TBC1D22A: variants seen among roughly 807,000 people sequenced by gnomAD.
TBC1D22A encodes the protein TBC1 domain family member 22A.
In TBC1D22A, 38 loss-of-function variants were observed where a neutral mutation model predicts 60.2. The observed-to-expected ratio is 0.63, with a 90% CI of 0.49 to 0.83. The LOEUF is 0.83. Among genes scored for constraint, TBC1D22A ranks in the 40% least tolerant of loss-of-function variants. The probability of loss-of-function intolerance (pLI) is 0.00; values close to 1 mark genes in which losing one functional copy is unlikely to be tolerated. For missense variants in TBC1D22A, 628 were observed against 701.0 expected, an observed-to-expected ratio of 0.90 and a Z score of 1.18; for synonymous variants, 302 against 281.7, an observed-to-expected ratio of 1.07 and a Z score of -0.72.
chr22:47,163,538 A>C (rs1219978281), intron 12 of TBC1D22A, among the ~76,000 whole-genome samples: 1 of 152,232 alleles, frequency 6.6e-6, no homozygotes, highest in African/African-American at 2.4e-5. Context: ...GGAGTTACAC[A>C]GAAGGCAGAC....
chr22:46,851,661 C>G (rs2087284004), intron 4 of TBC1D22A, among the ~76,000 whole-genome samples: 1 of 152,238 alleles, frequency 6.6e-6, no homozygotes, highest in African/African-American at 2.4e-5. Context: ...GGATTCAATG[C>G]AGTGATTAGA....
Position 47,159,683 on chromosome 22 carries a change from G to A in TBC1D22A, c.1426-13815G>A, listed in dbSNP as rs964317875. On this transcript the variant is annotated intron_variant, in intron 12 of 12. Coordinates refer to ENST00000337137, the MANE Select transcript of TBC1D22A (RefSeq NM_014346.5). ...ACAGTACACACATGCACATAGACAC[G>A]CCATGCACCACACACCACATATACA... Among the ~76,000 whole-genome samples the A allele has an allele frequency of 9.4e-5, 14 of 148,808 alleles. No homozygotes were observed. The Middle Eastern group carries it at 0.014, about 154-fold the overall frequency.
intron 9 of TBC1D22A, among the ~76,000 whole-genome samples, chr22:46,975,092 C>A (rs1288130427): frequency 6.6e-6 from 1 of 152,162 alleles, no homozygotes; most frequent in Non-Finnish European, 1.5e-5. Context: ...CCAGCTGATA[C>A]TACAGAGGAA....
chr22:46,981,954 C>G (rs1200009262), intron 9 of TBC1D22A, among the ~76,000 whole-genome samples: 1 of 152,130 alleles, frequency 6.6e-6, no homozygotes, highest in Non-Finnish European at 1.5e-5. Flanking sequence ...AATGGCAATA[C>G]CAGCAGTTAC....
chr22:46,923,480 G>A (rs886568327), intron 8 of TBC1D22A, among the ~76,000 whole-genome samples: 5 of 152,348 alleles, frequency 3.3e-5, no homozygotes, highest in Admixed American at 6.5e-5. Flanking sequence ...CTCGAAGGTA[G>A]CCTGGGTCTC....
intron 1 of TBC1D22A, 68 bp from the exon 2 acceptor site, chr22:46,792,452 T>C: frequency 6.2e-7 from 1 of 1,607,084 alleles, no homozygotes; most frequent in Non-Finnish European, 8.5e-7. Context: ...ACCTTTCGGC[T>C]GAGCTGGTGG....
chr22:46,864,173 A>T (rs2066941960), intron 4 of TBC1D22A, among the ~76,000 whole-genome samples: 1 of 152,238 alleles, frequency 6.6e-6, no homozygotes, highest in Non-Finnish European at 1.5e-5. Context: ...TAGAAGAAGA[A>T]GTTAAAGCTA....
chr22:46,777,057 G>A lies in TBC1D22A; in HGVS notation c.62+14209G>A, dbSNP rs546290438. 2.5e-4 allele frequency among the ~76,000 whole-genome samples: 38 copies of A among 152,258 alleles called. No homozygotes were observed. The highest frequency in any genetic ancestry group is 3.4e-3 in the Middle Eastern group (1 of 294). On this transcript the variant is annotated intron_variant, in intron 1 of 12. Transcript: ENST00000337137. This position sits in a 1 kb window ranked among gnomAD's most constrained non-coding sequence, Gnocchi z 4.5. Reference sequence around the variant, plus strand: ...CAGGGCTGATGGACAGGAGAAGAGAGATGTGTGGGAGGTTTCCAAGGTGAC... The same window carrying A: ...CAGGGCTGATGGACAGGAGAAGAGAAATGTGTGGGAGGTTTCCAAGGTGAC...
intron 7 of TBC1D22A, among the ~76,000 whole-genome samples, chr22:46,904,555 G>C (rs1282809544): frequency 2.6e-5 from 4 of 151,014 alleles, no homozygotes; most frequent in Non-Finnish European, 5.9e-5. Flanking sequence ...AGCAACCTCT[G>C]CCTCCCGGGT....
chr22:47,004,400 T>C (rs1350938321), intron 10 of TBC1D22A, among the ~76,000 whole-genome samples: 1 of 143,626 alleles, frequency 7.0e-6, no homozygotes, highest in Non-Finnish European at 1.5e-5. Flanking sequence ...ACAACCCTTA[T>C]ACATACACAC....
intron 4 of TBC1D22A, among the ~76,000 whole-genome samples, chr22:46,814,031 C>T (rs570826770): frequency 6.6e-6 from 1 of 152,254 alleles, no homozygotes; most frequent in Non-Finnish European, 1.5e-5. Context: ...TTCCGCAGCC[C>T]TTGCATAGTC....
chr22:47,085,763 A>C (rs1432063507), intron 11 of TBC1D22A, among the ~76,000 whole-genome samples: 1 of 152,306 alleles, frequency 6.6e-6, no homozygotes, highest in African/African-American at 2.4e-5. Context: ...GTGAGTTATC[A>C]AGTAGAAAAA....
At chr22:47,149,813 C>G (rs773344534) in intron 12 of TBC1D22A, among the ~76,000 whole-genome samples, 3 of 152,206 alleles carry the variant, frequency 2.0e-5, no homozygotes, top group Non-Finnish European at 4.4e-5. Flanking sequence ...GATGATGTGT[C>G]TTACTCGTTG....
At chr22:47,068,155 A>G (rs1167600155) in intron 11 of TBC1D22A, among the ~76,000 whole-genome samples, 1 of 152,266 alleles carries the variant, frequency 6.6e-6, no homozygotes, top group African/African-American at 2.4e-5. Context: ...AACCAGCAGC[A>G]GAGACCTTGT....
chr22:47,017,514 G>T (rs1253732172), intron 10 of TBC1D22A, among the ~76,000 whole-genome samples: 1 of 151,960 alleles, frequency 6.6e-6, no homozygotes, highest in East Asian at 1.9e-4. Flanking sequence ...TGGGCTCTGG[G>T]CACACCCAGC....
At chr22:47,079,310 C>A (rs2064361330) in intron 11 of TBC1D22A, among the ~76,000 whole-genome samples, 1 of 152,166 alleles carries the variant, frequency 6.6e-6, no homozygotes, top group Non-Finnish European at 1.5e-5. Flanking sequence ...TGGTGTTGAA[C>A]TCCTGACCTC....
intron 5 of TBC1D22A, among the ~76,000 whole-genome samples, 199 bp from the exon 6 acceptor site, chr22:46,891,067 G>A (rs9627603): frequency 0.015 from 2,240 of 151,912 alleles, 71 homozygotes; most frequent in African/African-American, 0.052. Context: ...GTGCTGTCGG[G>A]AGTGGTGCTT....
intron 4 of TBC1D22A, among the ~76,000 whole-genome samples, chr22:46,824,089 G>T (rs562505153): frequency 6.6e-6 from 1 of 152,128 alleles, no homozygotes; most frequent in African/African-American, 2.4e-5. Context: ...ACCATAACAC[G>T]TTATAAATTC....
chr22:46,997,116 A>G (rs138181910), intron 9 of TBC1D22A, among the ~76,000 whole-genome samples: 13 of 152,200 alleles, frequency 8.5e-5, no homozygotes, highest in African/African-American at 2.9e-4. Flanking sequence ...TCACCCAACT[A>G]TATCTCTGAG....
Sources: gnomAD v4.1 joint callset for allele counts (sites outside exome capture counted in the v4.1 genomes callset) on GRCh38, gnomAD v4.1.1 for gene constraint, Gnocchi (gnomAD v3.1) non-coding constraint, MANE v1.5 for transcripts, NCBI Gene and HGNC (gene_info 2026-07-23, HGNC 2026-07-21) for gene names.